Variants in NXN observed in about 807,000 individuals in gnomAD.
The protein encoded by NXN is nucleoredoxin 1.
In NXN, 16 loss-of-function variants were observed where a neutral mutation model predicts 48.6. The observed-to-expected ratio is 0.33, with a 90% CI of 0.22 to 0.50. The LOEUF is 0.50. Among genes scored for constraint, NXN ranks in the 20% least tolerant of loss-of-function variants. The pLI, the probability that NXN is intolerant of heterozygous loss-of-function variation, is 0.98. For synonymous variants in NXN, 281 were observed against 269.6 expected (o/e 1.04, Z -0.41); for missense variants, 492 against 605.5 (o/e 0.81, Z 1.97).
intron 1 of NXN, among the ~76,000 whole-genome samples, chr17:827,288 C>T (rs1913163550): frequency 1.3e-5 from 2 of 151,468 alleles, no homozygotes; most frequent in South Asian, 4.2e-4. Context: ...ACCATCCTGG[C>T]CAACACGGTG....
chr17:817,463 A>G (rs1222278309), intron 5 of NXN, among the ~76,000 whole-genome samples: 1 of 151,930 alleles, frequency 6.6e-6, no homozygotes, highest in Non-Finnish European at 1.5e-5. Context: ...AGGTCAAGAG[A>G]TCGAGACCAT....
intron 1 of NXN, among the ~76,000 whole-genome samples, chr17:887,012 A>C (rs2068355941): frequency 6.6e-6 from 1 of 152,020 alleles, no homozygotes; most frequent in Non-Finnish European, 1.5e-5. Flanking sequence ...GGCTCAAGCA[A>C]TCCTGCCACC....
intron 1 of NXN, chr17:877,873 A>G (rs1488009501): frequency 6.6e-6 from 1 of 152,336 alleles, no homozygotes; most frequent in Non-Finnish European, 1.5e-5. Context: ...GGCAGAGCTC[A>G]GCACACGTTT....
chr17:959,266 C>T (rs1039733203), intron 1 of NXN: 10 of 523,054 alleles, frequency 1.9e-5, no homozygotes, highest in Non-Finnish European at 2.8e-5. Flanking sequence ...CCTTCCTTTC[C>T]CCTCCATGAC....
chr17:900,279 G>C (rs79811026), intron 1 of NXN, among the ~76,000 whole-genome samples: 10 of 52,772 alleles, frequency 1.9e-4, no homozygotes, highest in Non-Finnish European at 4.0e-4. Context: ...AACAAAAAAA[G>C]GAAAAAAAAA....
intron 1 of NXN, among the ~76,000 whole-genome samples, chr17:851,316 C>A (rs1422248769): frequency 6.6e-6 from 1 of 152,264 alleles, no homozygotes; most frequent in African/African-American, 2.4e-5. Context: ...CAAAAGACAG[C>A]GCAAGCCTCT....
At chr17:846,971 G>A (rs1482740753) in intron 1 of NXN, among the ~76,000 whole-genome samples, 4 of 152,142 alleles carry the variant, frequency 2.6e-5, no homozygotes, top group East Asian at 1.9e-4. Flanking sequence ...GAAACTTTCC[G>A]CAGCTTCTGG....
At chr17:893,225 C>A (rs2068442073) in intron 1 of NXN, among the ~76,000 whole-genome samples, 1 of 152,216 alleles carries the variant, frequency 6.6e-6, no homozygotes, top group African/African-American at 2.4e-5. Context: ...AGGCCACGTT[C>A]CTGGACAGAG....
chr17:876,605 C>G (rs2068218605), intron 1 of NXN, among the ~76,000 whole-genome samples: 1 of 152,202 alleles, frequency 6.6e-6, no homozygotes, highest in Non-Finnish European at 1.5e-5. Flanking sequence ...ATCAGTCTCA[C>G]TGGGCGGGGA....
At chr17:899,956 T>C (rs987155829) in intron 1 of NXN, among the ~76,000 whole-genome samples, 4 of 152,074 alleles carry the variant, frequency 2.6e-5, no homozygotes, top group East Asian at 1.9e-4. Flanking sequence ...CCTCAAGCTA[T>C]AGAGTTTAAC....
chr17:865,447 G>T (rs1178645349), intron 1 of NXN, among the ~76,000 whole-genome samples: 4 of 150,842 alleles, frequency 2.7e-5, no homozygotes, highest in African/African-American at 7.3e-5. Context: ...TCTCCATGTT[G>T]GTCAGGCTGG....
chr17:921,704 C>T (rs1445244577), intron 1 of NXN, among the ~76,000 whole-genome samples: 106 of 143,536 alleles, frequency 7.4e-4, no homozygotes, highest in African/African-American at 2.6e-3. Context: ...AACACCTGGC[C>T]GGCCCAGGCT....
At chr17:860,306 T>C (rs1196037033) in intron 1 of NXN, among the ~76,000 whole-genome samples, 1 of 151,090 alleles carries the variant, frequency 6.6e-6, no homozygotes, top group Non-Finnish European at 1.5e-5. Context: ...GTATTTTCCA[T>C]AGAGACAGGG....
In NXN at chr17:810,197, C is replaced by CCG. The variant is rs764933320; in HGVS notation, c.821-4951_821-4950insCG. Among the ~76,000 whole-genome samples the CCG allele has an allele frequency of 3.5e-4, 24 of 68,468 alleles. 2 individuals carry two copies. In the East Asian group the frequency reaches 0.014, roughly 41 times the overall value. The allele number at this position is 68,468 out of a possible 152,430, so 44.9% of individuals were successfully genotyped here. On this transcript the variant is annotated intron_variant, in intron 5 of 7. Coordinates refer to ENST00000336868, the MANE Select transcript of NXN (RefSeq NM_022463.5). The stretch of plus-strand genomic sequence containing the variant: ...TGTGACTGGCGTGCATGTTACGAGT[C>CCG]TGTGAGTGGCGTGCACGTTACGAGT...
intron 1 of NXN, among the ~76,000 whole-genome samples, chr17:960,311 T>A (rs2457274): frequency 0.87 from 132,772 of 152,232 alleles, 60,351 homozygotes; most frequent in Non-Finnish European, 0.99. Flanking sequence ...GAAGTATAGG[T>A]CTACAGCTCT....
Position 814,861 on chromosome 17 carries a change from G to A in NXN, c.820+4578C>T, listed in dbSNP as rs568092304. Among the ~76,000 whole-genome samples the A allele has an allele frequency of 3.3e-5, 5 of 151,980 alleles. No individual in the cohort carries two copies. In the South Asian group the frequency reaches 1.1e-3, roughly 32 times the overall value. On this transcript the variant is annotated intron_variant, in intron 5 of 7. Coordinates refer to ENST00000336868, the MANE Select transcript of NXN (RefSeq NM_022463.5). ...GCTCACTACAACCTCCGCCTCCCAG[G>A]TTCAAGTGATTCTCCTGCCTCAGCC... is the stretch of plus-strand genomic sequence containing the variant.
At position 902,904 on chromosome 17, in the gene NXN, A is replaced by G. The variant is rs111503026; in HGVS notation, c.360+76415T>C. ...AGCGATTCTCCTGCCTCAGCTTCCC[A>G]GGTAGCTGGGATGCACCATCACGTC... is the stretch of plus-strand genomic sequence containing the variant. On this transcript the variant is annotated intron_variant, in intron 1 of 7. Coordinates refer to ENST00000336868, the MANE Select transcript of NXN (RefSeq NM_022463.5). Among the ~76,000 whole-genome samples, 1,483 of 151,318 alleles carry G rather than the reference A, an allele frequency of 9.8e-3. 22 individuals carry two copies. Among genetic ancestry groups the G allele is most frequent in the African/African-American group, 0.034 (1,398 of 41,180 alleles).
At chr17:804,336 G>A (rs1911374249) in intron 6 of NXN, among the ~76,000 whole-genome samples, 1 of 144,724 alleles carries the variant, frequency 6.9e-6, no homozygotes, top group African/African-American at 2.6e-5. Context: ...AGGCTGGAGT[G>A]CAGTGGTGCC....
intron 1 of NXN, among the ~76,000 whole-genome samples, chr17:908,968 T>C (rs2144916372): frequency 6.6e-6 from 1 of 152,022 alleles, no homozygotes; most frequent in South Asian, 2.1e-4. Context: ...TAGCCGGGTG[T>C]GGTGGCACTT....
Sources: allele counts gnomAD v4.1 joint callset (sites outside exome capture counted in the v4.1 genomes callset), GRCh38; gene constraint gnomAD v4.1.1; transcripts MANE v1.5; gene names NCBI Gene and HGNC (gene_info 2026-07-23, HGNC 2026-07-21).